The following SHTN1 variants were observed in gnomAD, a reference collection of about 807,000 sequenced individuals.
The protein encoded by SHTN1 is shootin 1.
Under a neutral mutation model 83.1 loss-of-function variants are expected in SHTN1, and 42 were observed. The ratio of observed to expected loss-of-function variants is 0.51; its 90% CI spans 0.39 to 0.65. SHTN1 has a LOEUF of 0.65. Ranked by LOEUF, SHTN1 falls within the 30% of genes least tolerant of loss-of-function variation. The pLI is 0.00. For synonymous variants in SHTN1, 224 were observed against 247.7 expected, an observed-to-expected ratio of 0.90 and a Z score of 0.90; for missense variants, 622 against 737.8, an observed-to-expected ratio of 0.84 and a Z score of 1.82.
intron 2 of SHTN1, among the ~76,000 whole-genome samples, chr10:117,019,581 C>G (rs537202870): frequency 6.6e-6 from 1 of 152,084 alleles, no homozygotes. Context: ...GTGGCTCCTG[C>G]TTGTAATCTC....
Position 116,886,131 on chromosome 10 carries a change from G to T in SHTN1, c.*213C>A. On this transcript the variant is annotated 3_prime_UTR_variant, in exon 17 of 17. Transcript: ENST00000355371. ...AGGAAAAAAACCTCATCTTTATAAA[G>T]ATCAAAAAACCAAAACCTACTAGGA... The T allele has an allele frequency of 1.6e-6, 1 of 626,558 alleles. No individual in the cohort carries two copies. 38.8% of individuals were successfully genotyped at this position (626,558 alleles called of 1,614,324 possible).
chr10:117,084,133 GTTT>G (rs1369064407), intron 1 of SHTN1, among the ~76,000 whole-genome samples: 1 of 152,140 alleles, frequency 6.6e-6, no homozygotes, highest in African/African-American at 2.4e-5. Flanking sequence ...TATTTTTAGA[GTTT>G]CCAGTTTTTC....
intron 5 of SHTN1, among the ~76,000 whole-genome samples, chr10:116,953,238 G>A (rs147929104): frequency 6.6e-6 from 1 of 152,294 alleles, no homozygotes; most frequent in East Asian, 1.9e-4. Flanking sequence ...AAATGAATGT[G>A]CATTCAGTAG....
chr10:116,898,679 A>C (rs1344627214), intron 16 of SHTN1, among the ~76,000 whole-genome samples: 2 of 152,212 alleles, frequency 1.3e-5, no homozygotes, highest in African/African-American at 4.8e-5. Flanking sequence ...AAATAGAAAC[A>C]GAATAAATTA....
intron 1 of SHTN1, among the ~76,000 whole-genome samples, chr10:116,991,904 G>A (rs1310027898): frequency 6.6e-6 from 1 of 152,192 alleles, no homozygotes; most frequent in Non-Finnish European, 1.5e-5. Flanking sequence ...CACTTTGGGA[G>A]GCCAAGGCAG....
rs116848294 is a variant in SHTN1 at position 116,967,634 on chromosome 10, C to A, written c.172+1018G>T. Among the ~76,000 whole-genome samples, 7 of 152,102 alleles carry A rather than the reference C, an allele frequency of 4.6e-5. No individual in the cohort carries two copies. In the East Asian group the frequency reaches 1.3e-3, roughly 29 times the overall value. Reference sequence around the variant, plus strand: ...GTAACATCACGTAACGTAAGATCTACCCTCTTAGTAAATTTTAAGTATACA... The same window carrying A: ...GTAACATCACGTAACGTAAGATCTAACCTCTTAGTAAATTTTAAGTATACA... On this transcript the variant is annotated intron_variant, in intron 3 of 16. Coordinates refer to ENST00000355371, the MANE Select transcript of SHTN1 (RefSeq NM_001127211.3).
At chr10:117,019,257 C>T (rs1852227749) in intron 2 of SHTN1, among the ~76,000 whole-genome samples, 1 of 151,862 alleles carries the variant, frequency 6.6e-6, no homozygotes. Context: ...AAACACAGCT[C>T]ACTGCAGCCT....
chr10:117,044,199 A>C (rs1412138854), intron 2 of SHTN1, among the ~76,000 whole-genome samples: 2 of 152,232 alleles, frequency 1.3e-5, no homozygotes, highest in African/African-American at 4.8e-5. Context: ...TGTCTCATAG[A>C]TATTCTCCTG....
At chr10:116,921,353 A>T in intron 12 of SHTN1, 81 bp downstream of exon 12, 3 of 953,524 alleles carry the variant, frequency 3.1e-6, no homozygotes, top group Non-Finnish European at 5.0e-6. Context: ...ACATGTTTAT[A>T]GTCAAAGAAC....
rs1451412270 is a variant in SHTN1 at position 116,944,995 on chromosome 10, A to G, written c.640T>C (p.Tyr214His). 6.2e-7 allele frequency: 1 copy of G among 1,607,534 alleles called. No homozygotes were observed. Among genetic ancestry groups the G allele is most frequent in the Non-Finnish European group, 8.5e-7 (1 of 1,174,426 alleles). ...NRVSMLAVEE[Y>H]EEMQVNLELE... is the part of the protein sequence containing the mutation. ...TCCAGGTTTACTTGCATCTCCTCAT[A>G]CTCTTCTACAGCTAACATGGACACT... Residue 214 changes from tyrosine to histidine, a missense_variant, in exon 8 of 17, where the codon TAT becomes CAT. Tyr to His is a moderately conservative substitution (Grantham distance 83). Coordinates refer to ENST00000355371, the MANE Select transcript of SHTN1 (RefSeq NM_001127211.3).
intron 1 of SHTN1, among the ~76,000 whole-genome samples, chr10:117,051,260 C>A (rs551118205): frequency 6.6e-6 from 1 of 152,140 alleles, no homozygotes; most frequent in South Asian, 2.1e-4. Flanking sequence ...AATCAATAAC[C>A]AAAAGTCACC....
chr10:117,043,928 T>C (rs1276087357), intron 2 of SHTN1, among the ~76,000 whole-genome samples: 1 of 152,138 alleles, frequency 6.6e-6, no homozygotes, highest in Admixed American at 6.6e-5. Flanking sequence ...GAGAATTGTA[T>C]ATATGGAAAA....
chr10:117,102,679 A>C (rs1232425454), intron 1 of SHTN1, among the ~76,000 whole-genome samples: 2 of 151,966 alleles, frequency 1.3e-5, no homozygotes, highest in South Asian at 4.1e-4. Context: ...TTAAGAGTCC[A>C]AGCAGGAAAG....
At chr10:116,906,231 C>T (rs1428184366) in intron 15 of SHTN1, among the ~76,000 whole-genome samples, 1 of 152,170 alleles carries the variant, frequency 6.6e-6, no homozygotes, top group East Asian at 1.9e-4. Context: ...AACTGAGGCA[C>T]AAAGAGGTTC....
rs773592225 is a variant in SHTN1 at position 117,019,301 on chromosome 10, A to G, written c.-123+29144T>C. On this transcript the variant is annotated intron_variant, in intron 2 of 17. Coordinates refer to the SHTN1 transcript ENST00000392901. ...TGGGCTCAAGTGATTCCACCATCTC[A>G]GCCTCCAGAGTAGATGAGACCACAG... 9.0e-4 allele frequency among the ~76,000 whole-genome samples: 136 copies of G among 151,816 alleles called. 2 individuals carry two copies. Among genetic ancestry groups the G allele is most frequent in the Non-Finnish European group, 1.9e-4 (13 of 67,998 alleles).
intron 4 of SHTN1, among the ~76,000 whole-genome samples, chr10:116,959,195 TA>T (rs1376682452): frequency 6.6e-6 from 1 of 152,230 alleles, no homozygotes; most frequent in Non-Finnish European, 1.5e-5. Context: ...AAAGTGTTTT[TA>T]AAGTGTATTG....
At chr10:116,946,502 TA>T (rs1849587703) in intron 7 of SHTN1, among the ~76,000 whole-genome samples, 1 of 141,390 alleles carries the variant, frequency 7.1e-6, no homozygotes, top group African/African-American at 2.6e-5. Flanking sequence ...TATAAATATA[TA>T]AAATGATTTA....
intron 1 of SHTN1, among the ~76,000 whole-genome samples, chr10:117,093,555 C>CA (rs1853463663): frequency 6.6e-6 from 1 of 152,046 alleles, no homozygotes. Flanking sequence ...ACCTGAGACT[C>CA]AAAAAAGTCA....
intron 15 of SHTN1, among the ~76,000 whole-genome samples, chr10:116,905,286 A>G (rs887592610): frequency 6.6e-6 from 1 of 152,082 alleles, no homozygotes; most frequent in Non-Finnish European, 1.5e-5. Flanking sequence ...TGACTCAAGC[A>G]CTGATTAAGT....
Sources: allele counts gnomAD v4.1 joint callset (sites outside exome capture counted in the v4.1 genomes callset), GRCh38; gene constraint gnomAD v4.1.1; transcripts MANE v1.5; gene names NCBI Gene and HGNC (gene_info 2026-07-23, HGNC 2026-07-21).